The following GABRB1 variants were observed in gnomAD, a reference collection of about 807,000 sequenced individuals.
GABRB1 encodes the protein gamma-aminobutyric acid type A receptor subunit beta1, also known as gamma-aminobutyric acid receptor subunit beta-1.
Under a neutral mutation model 51.6 loss-of-function variants are expected in GABRB1, and 17 were observed. The ratio of observed to expected loss-of-function variants is 0.33; its 90% CI spans 0.23 to 0.49. GABRB1 has a LOEUF of 0.49. Ranked by LOEUF, GABRB1 falls within the 20% of genes least tolerant of loss-of-function variation. The probability of loss-of-function intolerance (pLI) is 0.99; values close to 1 mark genes in which losing one functional copy is unlikely to be tolerated. For synonymous variants in GABRB1, 247 were observed against 218.9 expected, an observed-to-expected ratio of 1.13 and a Z score of -1.14; for missense variants, 410 against 600.6, an observed-to-expected ratio of 0.68 and a Z score of 3.32.
intron 3 of GABRB1, among the ~76,000 whole-genome samples, chr4:47,052,252 C>T (rs1394487866): frequency 2.6e-5 from 4 of 152,074 alleles, no homozygotes; most frequent in African/African-American, 9.7e-5. Flanking sequence ...TATGGAGGCC[C>T]CATGTCACTA....
At chr4:47,037,529 T>G (rs7672943) in intron 3 of GABRB1, among the ~76,000 whole-genome samples, 77,720 of 146,920 alleles carry the variant, frequency 0.53, 20,146 homozygotes, top group African/African-American at 0.56. Flanking sequence ...TATATATTCG[T>G]TTTTTTTTGT....
At chr4:47,123,822 AT>A (rs796539387) in intron 3 of GABRB1, among the ~76,000 whole-genome samples, 7 of 90,974 alleles carry the variant, frequency 7.7e-5, no homozygotes, top group Non-Finnish European at 1.2e-4. Flanking sequence ...TATATATTAT[AT>A]TATATTATAT....
At chr4:47,021,984 A>T (rs1560498975) in intron 1 of GABRB1, among the ~76,000 whole-genome samples, 1 of 152,108 alleles carries the variant, frequency 6.6e-6, no homozygotes, top group Non-Finnish European at 1.5e-5. Flanking sequence ...ATTATGGCTT[A>T]TTTAAAATAT....
At chr4:47,083,425 T>G (rs924119364) in intron 3 of GABRB1, among the ~76,000 whole-genome samples, 6 of 152,186 alleles carry the variant, frequency 3.9e-5, no homozygotes, top group East Asian at 1.9e-4. Flanking sequence ...TATGGCGACT[T>G]ACAGATTTTC....
chr4:47,174,904 C>T (rs1718600722), intron 4 of GABRB1, among the ~76,000 whole-genome samples: 1 of 135,230 alleles, frequency 7.4e-6, no homozygotes, highest in Non-Finnish European at 1.6e-5. Context: ...TTCCTTCCTT[C>T]CTTCTTTCCT....
intron 4 of GABRB1, among the ~76,000 whole-genome samples, chr4:47,193,427 G>A (rs768754011): frequency 2.6e-5 from 4 of 152,016 alleles, no homozygotes; most frequent in Non-Finnish European, 4.4e-5. Flanking sequence ...GCCCATATGT[G>A]GTATTATCCC....
chr4:47,310,940 G>T (rs1206410257), intron 4 of GABRB1, among the ~76,000 whole-genome samples: 1 of 150,858 alleles, frequency 6.6e-6, no homozygotes, highest in African/African-American at 2.4e-5. Flanking sequence ...GAGGTGGGCG[G>T]ATCACTTGAG....
chr4:47,350,183 TTATA>T (rs367708916), intron 5 of GABRB1, among the ~76,000 whole-genome samples: 1,079 of 87,598 alleles, frequency 0.012, 26 homozygotes, highest in African/African-American at 0.032. Flanking sequence ...TGGGCTCAGA[TTATA>T]TATATATATA....
chr4:47,028,891 T>C (rs963185303), upstream of GABRB1, among the ~76,000 whole-genome samples: 1 of 149,618 alleles, frequency 6.7e-6, no homozygotes, highest in Non-Finnish European at 1.5e-5. Context: ...ATATATGGTG[T>C]ATATGTACAT....
chr4:47,047,350 G>A (rs961722096), intron 3 of GABRB1, among the ~76,000 whole-genome samples: 2 of 152,000 alleles, frequency 1.3e-5, no homozygotes, highest in African/African-American at 4.8e-5. Context: ...ACCACTTTAT[G>A]AATATTAACC....
chr4:47,353,708 A>G (rs896750104), intron 5 of GABRB1, among the ~76,000 whole-genome samples: 1 of 152,160 alleles, frequency 6.6e-6, no homozygotes, highest in South Asian at 2.1e-4. Context: ...TAAGAATTCA[A>G]TATTTTCCAA....
At chr4:47,195,184 G>A (rs1232554301) in intron 4 of GABRB1, among the ~76,000 whole-genome samples, 4 of 152,126 alleles carry the variant, frequency 2.6e-5, no homozygotes, top group African/African-American at 9.7e-5. Context: ...GGCTAACACA[G>A]TGAAACCCCG....
intron 3 of GABRB1, among the ~76,000 whole-genome samples, chr4:47,104,074 G>T (rs1714840894): frequency 6.6e-6 from 1 of 151,612 alleles, no homozygotes; most frequent in African/African-American, 2.4e-5. Context: ...GTTTCCTTTA[G>T]TGCAAGAGTA....
intron 4 of GABRB1, among the ~76,000 whole-genome samples, chr4:47,288,544 G>A (rs1723600708): frequency 6.6e-6 from 1 of 152,072 alleles, no homozygotes; most frequent in Non-Finnish European, 1.5e-5. Flanking sequence ...TTACAGGTGT[G>A]AGCCACCATG....
chr4:47,226,456 G>C (rs1560593617), intron 4 of GABRB1, among the ~76,000 whole-genome samples: 1 of 152,066 alleles, frequency 6.6e-6, no homozygotes, highest in Non-Finnish European at 1.5e-5. Context: ...GCAGAACACA[G>C]CTCCCTACTA....
intron 4 of GABRB1, among the ~76,000 whole-genome samples, chr4:47,236,327 T>A (rs1721332615): frequency 6.7e-6 from 1 of 148,650 alleles, no homozygotes; most frequent in African/African-American, 2.5e-5. Flanking sequence ...TACAGTCTTG[T>A]AAAAAAAAAA....
intron 3 of GABRB1, among the ~76,000 whole-genome samples, chr4:47,131,360 T>C (rs1282383606): frequency 6.6e-6 from 1 of 152,130 alleles, no homozygotes; most frequent in East Asian, 1.9e-4. Flanking sequence ...GGTTTCGCCA[T>C]GTTGGCAGGC....
intron 3 of GABRB1, among the ~76,000 whole-genome samples, chr4:47,150,667 T>C (rs1462445854): frequency 6.8e-6 from 1 of 147,790 alleles, no homozygotes; most frequent in East Asian, 2.0e-4. Flanking sequence ...ACACACATAA[T>C]GTTATAAGCA....
intron 4 of GABRB1, among the ~76,000 whole-genome samples, chr4:47,272,559 A>T (rs1722914612): frequency 6.6e-6 from 1 of 152,160 alleles, no homozygotes; most frequent in African/African-American, 2.4e-5. Flanking sequence ...ACTGGTAATT[A>T]CAGAAATTAA....
Sources: gnomAD v4.1 joint callset for allele counts (sites outside exome capture counted in the v4.1 genomes callset) on GRCh38, gnomAD v4.1.1 for gene constraint, MANE v1.5 for transcripts, NCBI Gene and HGNC (gene_info 2026-07-23, HGNC 2026-07-21) for gene names.